GRIK3: variants seen among roughly 807,000 people sequenced by gnomAD.
The protein encoded by GRIK3 is glutamate ionotropic receptor kainate type subunit 3, also known as glutamate receptor ionotropic, kainate 3.
Under a neutral mutation model 102.5 loss-of-function variants are expected in GRIK3, and 29 were observed. The ratio of observed to expected loss-of-function variants is 0.28; its 90% CI spans 0.21 to 0.39. The LOEUF (loss-of-function observed/expected upper bound fraction) is 0.39, where lower values mean the gene tolerates loss of function less well. Among genes scored for constraint, GRIK3 ranks in the 10% least tolerant of loss-of-function variants. GRIK3 has a pLI of 1.00. For missense variants in GRIK3, 908 were observed against 1,252.4 expected, an observed-to-expected ratio of 0.73 and a Z score of 4.15; for synonymous variants, 511 against 504.9, an observed-to-expected ratio of 1.01 and a Z score of -0.16.
In GRIK3 at chr1:36,819,691, G is replaced by A; in HGVS notation, c.1873+45C>T. 9.8e-7 allele frequency: 1 copy of A among 1,022,622 alleles called. No individual in the cohort carries two copies. The highest frequency in any genetic ancestry group is 1.3e-5 in the South Asian group (1 of 78,638). The allele number at this position is 1,022,622 out of a possible 1,614,324, so 63.3% of individuals were successfully genotyped here. ...GCCAAAGAGGCTGAAGACCGCTTGG[G>A]GAAAGCAGACCCTGGAAGGGGAGGC... is the stretch of plus-strand genomic sequence containing the variant. On this transcript the variant is annotated intron_variant, in intron 12 of 15. Transcript: ENST00000373091. The surrounding 1 kb of genome is among the most constrained non-coding windows in gnomAD (Gnocchi z 4.1).
intron 1 of GRIK3, among the ~76,000 whole-genome samples, chr1:36,957,535 C>T (rs371723118): frequency 1.4e-3 from 15 of 10,624 alleles, no homozygotes; most frequent in Admixed American, 6.6e-3. Context: ...CTGTGTGCCC[C>T]GTGTCCTGTG....
chr1:36,815,427 T>C (rs1324326241), intron 13 of GRIK3, among the ~76,000 whole-genome samples: 1 of 152,150 alleles, frequency 6.6e-6, no homozygotes, highest in Non-Finnish European at 1.5e-5. Flanking sequence ...GCTCCATCTA[T>C]CATTTGGAGG....
chr1:36,807,756 G>T (rs1360422929), intron 13 of GRIK3, among the ~76,000 whole-genome samples: 1 of 152,184 alleles, frequency 6.6e-6, no homozygotes, highest in East Asian at 1.9e-4. Flanking sequence ...GGACCCCTTA[G>T]AATTACATCT....
intron 13 of GRIK3, among the ~76,000 whole-genome samples, chr1:36,813,348 T>A (rs1415973641): frequency 6.6e-6 from 1 of 152,246 alleles, no homozygotes; most frequent in Non-Finnish European, 1.5e-5. Flanking sequence ...TAAGTGTTAC[T>A]GTTATTGTTG....
rs536992310 is a variant in GRIK3, at chr1:36,856,530, G to A, written c.1104+2578C>T. ...CTGTCATGCAATCAGATGGGGAGAC[G>A]GGCAAGTTGGAAATGGTCTGACGGA... is the stretch of plus-strand genomic sequence containing the variant. On this transcript the variant is annotated intron_variant, in intron 7 of 15. Coordinates refer to ENST00000373091, the MANE Select transcript of GRIK3 (RefSeq NM_000831.4). 1.6e-4 allele frequency among the ~76,000 whole-genome samples: 24 copies of A among 152,298 alleles called. No individual in the cohort carries two copies. The South Asian group carries it at 2.1e-3, about 13-fold the overall frequency.
chr1:36,813,978 A>C (rs979678851), intron 13 of GRIK3, among the ~76,000 whole-genome samples: 7 of 152,160 alleles, frequency 4.6e-5, no homozygotes, highest in Non-Finnish European at 7.4e-5. Flanking sequence ...TTAGTTATGC[A>C]GGGGGTGTGG....
At chr1:36,804,565 C>A in intron 15 of GRIK3, 1 of 254,936 alleles carries the variant, frequency 3.9e-6, no homozygotes, top group Admixed American at 5.3e-5. Flanking sequence ...CAAATATATG[C>A]AAAGGTAGAG....
At chr1:37,013,906 T>G (rs1309133852) in intron 1 of GRIK3, among the ~76,000 whole-genome samples, 1 of 152,238 alleles carries the variant, frequency 6.6e-6, no homozygotes, top group Admixed American at 6.5e-5. Context: ...CCTCATCACA[T>G]GCCCACCCTC....
chr1:36,867,769 C>T (rs749602465), intron 5 of GRIK3, among the ~76,000 whole-genome samples: 1 of 152,176 alleles, frequency 6.6e-6, no homozygotes, highest in Non-Finnish European at 1.5e-5. Context: ...CTGCCCTCGC[C>T]ACCCACTCTG....
At chr1:36,895,891 A>G (rs1024634905) in intron 1 of GRIK3, among the ~76,000 whole-genome samples, 1 of 152,232 alleles carries the variant, frequency 6.6e-6, no homozygotes, top group Non-Finnish European at 1.5e-5. Context: ...AGAAAAATGC[A>G]TCTTATCTAT....
At chr1:37,007,300 G>A (rs1486175671) in intron 1 of GRIK3, among the ~76,000 whole-genome samples, 1 of 152,230 alleles carries the variant, frequency 6.6e-6, no homozygotes, top group Non-Finnish European at 1.5e-5. Context: ...CCAAGGTCAG[G>A]TAGCCAGTAA....
At chr1:36,965,123 G>A (rs1642065505) in intron 1 of GRIK3, among the ~76,000 whole-genome samples, 1 of 152,160 alleles carries the variant, frequency 6.6e-6, no homozygotes, top group African/African-American at 2.4e-5. Context: ...CTCACTCAGA[G>A]TATGACTTTG....
At chr1:36,974,033 C>T (rs369342846) in intron 1 of GRIK3, among the ~76,000 whole-genome samples, 8 of 152,266 alleles carry the variant, frequency 5.3e-5, no homozygotes, top group South Asian at 4.1e-4. Context: ...GTGTTTTGCT[C>T]GGTTCTTCAG....
At chr1:36,834,441 A>G (rs1298117431) in intron 10 of GRIK3, among the ~76,000 whole-genome samples, 1 of 152,182 alleles carries the variant, frequency 6.6e-6, no homozygotes, top group Non-Finnish European at 1.5e-5. Flanking sequence ...CTTGGAAAAC[A>G]GCACCATGAA....
chr1:36,922,523 C>T (rs1455813418), intron 1 of GRIK3, among the ~76,000 whole-genome samples: 3 of 152,310 alleles, frequency 2.0e-5, no homozygotes, highest in Non-Finnish European at 4.4e-5. Flanking sequence ...CCTCAGGACT[C>T]GTGGTTACAT....
At chr1:36,822,732 G>A (rs1342543569) in intron 11 of GRIK3, among the ~76,000 whole-genome samples, 1 of 152,140 alleles carries the variant, frequency 6.6e-6, no homozygotes, top group Non-Finnish European at 1.5e-5. Context: ...AGATTTGGCT[G>A]CAATGTGGCC....
chr1:37,009,074 GTAATAATAATAA>G (rs67140478), intron 1 of GRIK3, among the ~76,000 whole-genome samples: 3 of 149,170 alleles, frequency 2.0e-5, no homozygotes, highest in South Asian at 2.1e-4. Flanking sequence ...AAATGGAGAT[GTAATAATAATAA>G]TAATAATAAT....
In GRIK3 at chr1:36,806,098, G is replaced by T. The variant is rs201557007; in HGVS notation, c.2314+6C>A. On this transcript the variant is annotated splice_donor_region_variant and intron_variant, in intron 14 of 15. Coordinates refer to ENST00000373091, the MANE Select transcript of GRIK3 (RefSeq NM_000831.4). This position sits in a 1 kb window ranked among gnomAD's most constrained non-coding sequence, Gnocchi z 4.0. ...CCACCCCTCCCACAGGCAGCCCCTC[G>T]CTCACCCATGGGCGTGCCGATGCCG... The T allele has an allele frequency of 6.2e-7, 1 of 1,603,490 alleles. No homozygotes were observed. Among genetic ancestry groups the T allele is most frequent in the South Asian group, 1.1e-5 (1 of 90,762 alleles).
intron 7 of GRIK3, among the ~76,000 whole-genome samples, chr1:36,854,013 C>A (rs1454711929): frequency 6.6e-6 from 1 of 152,160 alleles, no homozygotes; most frequent in Non-Finnish European, 1.5e-5. Flanking sequence ...AGGGGGAGCC[C>A]ATGTCAGATC....
Sources: gnomAD v4.1 joint callset for allele counts (sites outside exome capture counted in the v4.1 genomes callset) on GRCh38, gnomAD v4.1.1 for gene constraint, Gnocchi (gnomAD v3.1) non-coding constraint, MANE v1.5 for transcripts, NCBI Gene and HGNC (gene_info 2026-07-23, HGNC 2026-07-21) for gene names.